UNC5D: variants seen among roughly 807,000 people sequenced by gnomAD.
The protein encoded by UNC5D is netrin receptor UNC5D.
Under a neutral mutation model 105.4 loss-of-function variants are expected in UNC5D, and 39 were observed. That is an observed-to-expected ratio of 0.37 (90% CI 0.29 to 0.48). The LOEUF (loss-of-function observed/expected upper bound fraction) is 0.48, where lower values mean the gene tolerates loss of function less well. Ranked by LOEUF, UNC5D falls within the 20% of genes least tolerant of loss-of-function variation. The pLI is 0.98. For synonymous variants in UNC5D, 452 were observed against 450.4 expected, an observed-to-expected ratio of 1.00 and a Z score of -0.04; for missense variants, 991 against 1,202.4, an observed-to-expected ratio of 0.82 and a Z score of 2.60.
intron 1 of UNC5D, among the ~76,000 whole-genome samples, chr8:35,310,001 A>G (rs1392052510): frequency 6.6e-6 from 1 of 152,180 alleles, no homozygotes; most frequent in Non-Finnish European, 1.5e-5. Flanking sequence ...TGAAATATTC[A>G]TAAGTGTTTC....
chr8:35,288,723 G>A (rs1489880712), intron 1 of UNC5D, among the ~76,000 whole-genome samples: 1 of 152,118 alleles, frequency 6.6e-6, no homozygotes, highest in Non-Finnish European at 1.5e-5. Flanking sequence ...AAAGTTGTTG[G>A]GAGGGTGAAA....
At chr8:35,237,406 G>C (rs1363120371) in intron 1 of UNC5D, among the ~76,000 whole-genome samples, 2 of 151,882 alleles carry the variant, frequency 1.3e-5, no homozygotes, top group Admixed American at 1.3e-4. Flanking sequence ...TGGGAAAAGT[G>C]GGTCTTTTCT....
At chr8:35,721,493 G>A (rs543588474) in intron 8 of UNC5D, 56 of 702,858 alleles carry the variant, frequency 8.0e-5, no homozygotes, top group Admixed American at 6.0e-4. Context: ...AGCATGTGCC[G>A]TCCTAGCAAC....
At chr8:35,475,094 G>C (rs1490345029) in intron 1 of UNC5D, among the ~76,000 whole-genome samples, 1 of 152,104 alleles carries the variant, frequency 6.6e-6, no homozygotes, top group Non-Finnish European at 1.5e-5. Context: ...AAATACTCAG[G>C]GATAAGGGAA....
chr8:35,509,025 C>G (rs1812514623), intron 1 of UNC5D, among the ~76,000 whole-genome samples: 1 of 152,128 alleles, frequency 6.6e-6, no homozygotes, highest in South Asian at 2.1e-4. Context: ...TGCTATGACT[C>G]TTCAAGGTTG....
intron 1 of UNC5D, among the ~76,000 whole-genome samples, chr8:35,495,471 A>C (rs977421398): frequency 1.3e-5 from 2 of 150,928 alleles, no homozygotes; most frequent in African/African-American, 4.9e-5. Context: ...AAAAAAAAAA[A>C]AAAAAAAAAA....
intron 14 of UNC5D, 92 bp from the exon 15 acceptor site, chr8:35,766,809 TC>T: frequency 1.5e-6 from 2 of 1,364,482 alleles, no homozygotes; most frequent in South Asian, 3.6e-5. Context: ...GTTGTCGTCA[TC>T]ATCATCATCA....
intron 1 of UNC5D, among the ~76,000 whole-genome samples, chr8:35,367,987 A>T (rs1028948707): frequency 6.6e-6 from 1 of 152,142 alleles, no homozygotes. Context: ...TTTCTTGTAA[A>T]GTATGCCCAT....
At position 35,568,152 on chromosome 8, in the gene UNC5D, TC is replaced by T. The variant is rs1443661446; in HGVS notation, c.379del (p.His127MetfsTer28). On this transcript the variant is annotated frameshift_variant, in exon 3 of 17. Coordinates refer to ENST00000404895, the MANE Select transcript of UNC5D (RefSeq NM_080872.4). LOFTEE classifies it high-confidence loss of function. ...GTTACTAGGCAACAGGTGGAGGACT[TC>T]CATGGGCCCGAGGACTATTGGTGCC... ...INVTRQQVED[F>X]HGPEDYWCQC... 1 of 1,614,182 alleles carries T rather than the reference TC, an allele frequency of 6.2e-7. No individual in the cohort carries two copies. Among genetic ancestry groups the T allele is most frequent in the African/African-American group, 1.3e-5 (1 of 75,060 alleles).
intron 1 of UNC5D, among the ~76,000 whole-genome samples, chr8:35,476,584 G>A (rs556541452): frequency 3.9e-5 from 6 of 152,256 alleles, no homozygotes; most frequent in East Asian, 3.9e-4. Context: ...GAGCAGTAGC[G>A]TCTGCTGTTC....
At chr8:35,685,448 G>T (rs1467346120) in intron 6 of UNC5D, among the ~76,000 whole-genome samples, 2 of 151,892 alleles carry the variant, frequency 1.3e-5, no homozygotes, top group Non-Finnish European at 2.9e-5. Flanking sequence ...ATTGACCCTG[G>T]GTCTCACATG....
chr8:35,497,293 A>G (rs1462969623), intron 1 of UNC5D, among the ~76,000 whole-genome samples: 1 of 152,204 alleles, frequency 6.6e-6, no homozygotes, highest in East Asian at 1.9e-4. Context: ...CTCTGGAATG[A>G]GGGTCTTATG....
At chr8:35,664,764 T>A (rs555480325) in intron 4 of UNC5D, among the ~76,000 whole-genome samples, 1 of 152,202 alleles carries the variant, frequency 6.6e-6, no homozygotes, top group Non-Finnish European at 1.5e-5. Context: ...CTGGACCCAT[T>A]AATCAAGTTG....
intron 1 of UNC5D, among the ~76,000 whole-genome samples, chr8:35,385,791 G>A (rs1803357958): frequency 6.6e-6 from 1 of 152,114 alleles, no homozygotes. Context: ...ACAGACAACA[G>A]TAGGCACTTT....
chr8:35,757,529 G>T (rs1304600136), intron 13 of UNC5D, among the ~76,000 whole-genome samples: 2 of 152,050 alleles, frequency 1.3e-5, no homozygotes, highest in Non-Finnish European at 2.9e-5. Flanking sequence ...CTCCCATCTG[G>T]GTCAGGGGCA....
intron 1 of UNC5D, among the ~76,000 whole-genome samples, chr8:35,334,627 C>T (rs533892706): frequency 6.6e-6 from 1 of 152,126 alleles, no homozygotes; most frequent in Admixed American, 6.5e-5. Context: ...ATTCTCCTGC[C>T]TCATCCTCCC....
chr8:35,783,511 A>G (rs1483077272), intron 16 of UNC5D, among the ~76,000 whole-genome samples: 1 of 152,192 alleles, frequency 6.6e-6, no homozygotes, highest in Non-Finnish European at 1.5e-5. Context: ...AGGCCCTTAC[A>G]GACTCAGAAC....
At chr8:35,295,792 T>C (rs937331379) in intron 1 of UNC5D, among the ~76,000 whole-genome samples, 1 of 152,210 alleles carries the variant, frequency 6.6e-6, no homozygotes, top group Non-Finnish European at 1.5e-5. Context: ...CTTCATCTTA[T>C]AACTGAAAGT....
intron 2 of UNC5D, among the ~76,000 whole-genome samples, chr8:35,560,870 G>A (rs1416528901): frequency 1.3e-5 from 2 of 152,162 alleles, no homozygotes; most frequent in African/African-American, 4.8e-5. Flanking sequence ...TCCTAATGTT[G>A]AAATCTTGAC....
Sources: gnomAD v4.1 joint callset for allele counts (sites outside exome capture counted in the v4.1 genomes callset) on GRCh38, gnomAD v4.1.1 for gene constraint, MANE v1.5 for transcripts, NCBI Gene and HGNC (gene_info 2026-07-23, HGNC 2026-07-21) for gene names.